The following CD247 variants were observed in gnomAD, a reference collection of about 807,000 sequenced individuals.
The protein encoded by CD247 is CD247 molecule, also known as T-cell surface glycoprotein CD3 zeta chain.
In CD247, 13 loss-of-function variants were observed where a neutral mutation model predicts 30.0. That is an observed-to-expected ratio of 0.43 (90% CI 0.28 to 0.69). The LOEUF (loss-of-function observed/expected upper bound fraction) is 0.69. Ranked by LOEUF, CD247 falls within the 30% of genes least tolerant of loss-of-function variation. The pLI is 0.16. For synonymous variants in CD247, 72 were observed against 80.0 expected, an observed-to-expected ratio of 0.90 and a Z score of 0.53; for missense variants, 193 against 212.6, an observed-to-expected ratio of 0.91 and a Z score of 0.57.
intron 1 of CD247, among the ~76,000 whole-genome samples, chr1:167,462,263 G>A (rs907258011): frequency 1.4e-4 from 21 of 152,176 alleles, no homozygotes; most frequent in South Asian, 4.1e-4. Context: ...GTTGCTCTTG[G>A]GTTACCAGCC....
chr1:167,473,077 G>A lies in CD247; in HGVS notation c.59-32310C>T, dbSNP rs141917936. On this transcript the variant is annotated intron_variant, in intron 1 of 7. Transcript: ENST00000362089. ...GATATCAGATGTCTACTCCTTAGGC[G>A]TCTTCTTCAAGTTTTACACACACAC... 4.6e-3 allele frequency among the ~76,000 whole-genome samples: 681 copies of A among 146,530 alleles called. 2 individuals are homozygous for A. The highest frequency in any genetic ancestry group is 0.014 in the South Asian group (63 of 4,626).
At chr1:167,470,617 T>C (rs771215232) in intron 1 of CD247, among the ~76,000 whole-genome samples, 3 of 151,648 alleles carry the variant, frequency 2.0e-5, no homozygotes, top group Non-Finnish European at 2.9e-5. Flanking sequence ...CATTTTGCTA[T>C]ATTTTCTTCT....
chr1:167,487,794 G>A (rs955107211), intron 1 of CD247, among the ~76,000 whole-genome samples: 5 of 152,208 alleles, frequency 3.3e-5, no homozygotes, highest in Non-Finnish European at 7.3e-5. Flanking sequence ...AGTGGCACAC[G>A]ATCACTGTGC....
intron 1 of CD247, among the ~76,000 whole-genome samples, chr1:167,449,813 C>A (rs992397505): frequency 5.3e-5 from 8 of 151,984 alleles, no homozygotes; most frequent in African/African-American, 1.9e-4. Context: ...ATCCCAGCTA[C>A]TTGGGAGGCT....
Position 167,494,031 on chromosome 1 carries a change from C to T in CD247, c.58+24377G>A, listed in dbSNP as rs1654572059. ...CCAGGACTTTCTTCTCAGGGCTCTG[C>T]TGAGTTGGGTGGGGGAGGCTGGAGG... On this transcript the variant is annotated intron_variant, in intron 1 of 7. Coordinates refer to ENST00000362089, the MANE Select transcript of CD247 (RefSeq NM_198053.3). The surrounding 1 kb of genome is among the most constrained non-coding windows in gnomAD (Gnocchi z 7.3). 6.6e-6 allele frequency among the ~76,000 whole-genome samples: 1 copy of T among 151,826 alleles called. No homozygotes were observed. Among genetic ancestry groups the T allele is most frequent in the South Asian group, 2.1e-4 (1 of 4,820 alleles).
Position 167,431,570 on chromosome 1 carries a change from G to T in CD247, c.*111C>A. On this transcript the variant is annotated 3_prime_UTR_variant, in exon 8 of 8. Coordinates refer to ENST00000362089, the MANE Select transcript of CD247 (RefSeq NM_198053.3). ...AACCAAAGCATCCTGTACATAAAGG[G>T]GAATACTTCAGTGGCTGAGAAGAGT... 4.5e-6 allele frequency: 4 copies of T among 891,620 alleles called. No individual in the cohort carries two copies. The highest frequency in any genetic ancestry group is 7.7e-6 in the Non-Finnish European group (4 of 520,784). The allele number at this position is 891,620 out of a possible 1,614,324, so 55.2% of individuals were successfully genotyped here.
intron 1 of CD247, among the ~76,000 whole-genome samples, chr1:167,474,567 C>T (rs1653667325): frequency 6.6e-6 from 1 of 151,960 alleles, no homozygotes; most frequent in Non-Finnish European, 1.5e-5. Context: ...ACTGGCTGAG[C>T]CCCCGGTCTG....
intron 1 of CD247, among the ~76,000 whole-genome samples, chr1:167,492,418 A>T (rs537629179): frequency 1.3e-5 from 2 of 152,310 alleles, no homozygotes; most frequent in African/African-American, 4.8e-5. Flanking sequence ...TATTTTTGTT[A>T]GTCCAATATT....
Position 167,431,662 on chromosome 1 carries a change from T to G in CD247, c.*19A>C. The G allele has an allele frequency of 6.2e-7, 1 of 1,609,550 alleles. No individual in the cohort carries two copies. Among genetic ancestry groups the G allele is most frequent in the Non-Finnish European group, 8.5e-7 (1 of 1,175,820 alleles). Reference sequence around the variant, plus strand: ...GGCGTCTGCAGGTCTGGCCTTTGAGTGGTGAAATCCCCTGGCTGTTAGCGA... The same window carrying G: ...GGCGTCTGCAGGTCTGGCCTTTGAGGGGTGAAATCCCCTGGCTGTTAGCGA... On this transcript the variant is annotated 3_prime_UTR_variant, in exon 8 of 8. Transcript: ENST00000362089.
intron 4 of CD247, 145 bp from the exon 5 acceptor site, chr1:167,435,579 G>A: frequency 1.4e-6 from 1 of 736,704 alleles, no homozygotes; most frequent in Non-Finnish European, 2.5e-6. Flanking sequence ...CCCCAGCCTT[G>A]CCTAGGCCAC....
chr1:167,512,461 C>G (rs2102121878), intron 1 of CD247, among the ~76,000 whole-genome samples: 1 of 152,154 alleles, frequency 6.6e-6, no homozygotes, highest in East Asian at 1.9e-4. Context: ...ATTTCAAGAC[C>G]ACACACAACT....
At chr1:167,500,916 C>A (rs1654871711) in intron 1 of CD247, among the ~76,000 whole-genome samples, 1 of 152,148 alleles carries the variant, frequency 6.6e-6, no homozygotes, top group Admixed American at 6.5e-5. Flanking sequence ...CCTAAGTCAG[C>A]CTGGTGCTAT....
intron 1 of CD247, among the ~76,000 whole-genome samples, chr1:167,466,500 T>C (rs1014339886): frequency 2.6e-5 from 4 of 152,212 alleles, no homozygotes; most frequent in African/African-American, 9.7e-5. Flanking sequence ...TATTGCCTTG[T>C]CCTGCTTTTT....
At chr1:167,492,060 C>T (rs988077246) in intron 1 of CD247, among the ~76,000 whole-genome samples, 6 of 152,036 alleles carry the variant, frequency 3.9e-5, no homozygotes, top group East Asian at 1.9e-4. Flanking sequence ...GTGATGGTTG[C>T]GCAACAATAT....
chr1:167,447,413 G>A (rs899168464), intron 1 of CD247, among the ~76,000 whole-genome samples: 1 of 151,992 alleles, frequency 6.6e-6, no homozygotes, highest in Non-Finnish European at 1.5e-5. Flanking sequence ...TCTGGTGACA[G>A]GAAGCTCAGC....
intron 1 of CD247, among the ~76,000 whole-genome samples, chr1:167,491,199 C>T (rs567240422): frequency 1.3e-5 from 2 of 152,186 alleles, no homozygotes; most frequent in East Asian, 3.9e-4. Flanking sequence ...AGAAGGAATG[C>T]CGTGCACTGT....
intron 1 of CD247, among the ~76,000 whole-genome samples, chr1:167,498,609 A>G (rs1301015092): frequency 6.6e-6 from 1 of 152,212 alleles, no homozygotes; most frequent in Non-Finnish European, 1.5e-5. Flanking sequence ...GGCCCATTAC[A>G]CACATTTTCT....
chr1:167,453,378 G>A (rs968894602), intron 1 of CD247, among the ~76,000 whole-genome samples: 4 of 152,112 alleles, frequency 2.6e-5, no homozygotes, highest in African/African-American at 9.7e-5. Flanking sequence ...CCGGGCCTTT[G>A]TTCTTTCTCA....
chr1:167,453,999 C>T (rs1342732827), intron 1 of CD247, among the ~76,000 whole-genome samples: 1 of 151,992 alleles, frequency 6.6e-6, no homozygotes, highest in Non-Finnish European at 1.5e-5. Flanking sequence ...GCTCTAGATA[C>T]TTGTGTATGA....
Sources: gnomAD v4.1 joint callset for allele counts (sites outside exome capture counted in the v4.1 genomes callset) on GRCh38, gnomAD v4.1.1 for gene constraint, Gnocchi (gnomAD v3.1) non-coding constraint, MANE v1.5 for transcripts, NCBI Gene and HGNC (gene_info 2026-07-23, HGNC 2026-07-21) for gene names.